IFFO2: variants seen among roughly 807,000 people sequenced by gnomAD.
The protein encoded by IFFO2 is intermediate filament family orphan 2.
In IFFO2, 19 loss-of-function variants were observed where a neutral mutation model predicts 53.5. That is an observed-to-expected ratio of 0.36 (90% CI 0.25 to 0.52). IFFO2 has a LOEUF of 0.52. Ranked by LOEUF, IFFO2 falls within the 20% of genes least tolerant of loss-of-function variation. The pLI, the probability that IFFO2 is intolerant of heterozygous loss-of-function variation, is 0.94. For synonymous variants in IFFO2, 303 were observed against 313.6 expected, an observed-to-expected ratio of 0.97 and a Z score of 0.36; for missense variants, 570 against 727.4, an observed-to-expected ratio of 0.78 and a Z score of 2.49.
chr1:18,914,361 G>A (rs16862368), intron 5 of IFFO2, among the ~76,000 whole-genome samples: 1 of 152,106 alleles, frequency 6.6e-6, no homozygotes, highest in Non-Finnish European at 1.5e-5. Context: ...CAATGCCCTG[G>A]GGACTTTATA....
chr1:18,919,800 C>T lies in IFFO2; in HGVS notation c.727-27G>A. Reference sequence around the variant, plus strand: ...TGCGGGGACGGAGATGGGGAGGCTTCAGAGGGGCCGGGTCCTCTGGGGATA... The same window carrying T: ...TGCGGGGACGGAGATGGGGAGGCTTTAGAGGGGCCGGGTCCTCTGGGGATA... On this transcript the variant is annotated intron_variant, in intron 2 of 8. Transcript: ENST00000455833. The surrounding 1 kb of genome is among the most constrained non-coding windows in gnomAD (Gnocchi z 4.9). 1 of 1,503,354 alleles carries T rather than the reference C, an allele frequency of 6.7e-7. No homozygotes were observed. The highest frequency in any genetic ancestry group is 1.2e-5 in the South Asian group (1 of 83,148). 93.1% of individuals were successfully genotyped at this position (1,503,354 alleles called of 1,614,324 possible).
intron 8 of IFFO2, 82 bp downstream of exon 8, chr1:18,910,260 A>G: frequency 6.7e-7 from 1 of 1,486,266 alleles, no homozygotes; most frequent in Non-Finnish European, 9.1e-7. Flanking sequence ...GGTTGGGAGC[A>G]TGACACATGG....
chr1:18,934,710 A>T (rs1167080668), intron 1 of IFFO2, among the ~76,000 whole-genome samples: 1 of 151,992 alleles, frequency 6.6e-6, no homozygotes, highest in Non-Finnish European at 1.5e-5. Context: ...TTCTTATGAG[A>T]TTTTCTCTTC....
chr1:18,911,413 C>G lies in IFFO2; in HGVS notation c.1288G>C (p.Glu430Gln). The G allele has an allele frequency of 2.6e-6, 4 of 1,522,932 alleles. No individual in the cohort carries two copies. Among genetic ancestry groups the G allele is most frequent in the South Asian group, 1.3e-5 (1 of 78,618 alleles). The allele number at this position is 1,522,932 out of a possible 1,614,324, so 94.3% of individuals were successfully genotyped here. Residue 430 changes from glutamate (E) to glutamine (Q), a missense_variant, in exon 7 of 9, where the codon GAG becomes CAG. Physicochemically the swap from Glu to Gln is conservative, Grantham distance 29 (BLOSUM62 2). Transcript: ENST00000455833. The part of the protein sequence containing the change: ...TESFFKTRDK[E>Q]YQETIGQIEL... ...ATCTGACCTATCGTTTCCTGGTACTCCTTGTCTCTCGTCTTGAAGAAGGAT... is the reference window on the plus strand; with the variant it reads ...ATCTGACCTATCGTTTCCTGGTACTGCTTGTCTCTCGTCTTGAAGAAGGAT...
At chr1:18,925,553 T>A (rs558690677) in intron 1 of IFFO2, among the ~76,000 whole-genome samples, 2 of 152,104 alleles carry the variant, frequency 1.3e-5, no homozygotes, top group African/African-American at 4.8e-5. Flanking sequence ...GGCACAGAGA[T>A]GGGGCAAAGA....
chr1:18,941,607 G>A (rs1035783831), intron 1 of IFFO2, among the ~76,000 whole-genome samples: 3 of 152,214 alleles, frequency 2.0e-5, no homozygotes, highest in Non-Finnish European at 4.4e-5. Context: ...GCTGCTGCTG[G>A]GTGCAGGGCA....
In IFFO2 at chr1:18,917,594, G is replaced by C. The variant is rs756812198; in HGVS notation, c.964-552C>G. Among the ~76,000 whole-genome samples, 1 of 152,204 alleles carries C rather than the reference G, an allele frequency of 6.6e-6. No individual in the cohort carries two copies. The highest frequency in any genetic ancestry group is 2.4e-5 in the African/African-American group (1 of 41,460). On this transcript the variant is annotated intron_variant, in intron 4 of 8. Transcript: ENST00000455833. This position sits in a 1 kb window ranked among gnomAD's most constrained non-coding sequence, Gnocchi z 5.9. ...GCAAGAAGGCATGGAGGTGGAGAGA[G>C]GGCCCCAGGGAGGCCCAGATCTGGC...
At chr1:18,927,586 G>A (rs1429902557) in intron 1 of IFFO2, among the ~76,000 whole-genome samples, 1 of 152,130 alleles carries the variant, frequency 6.6e-6, no homozygotes, top group East Asian at 1.9e-4. Context: ...TCAGCTCTGC[G>A]CTGCCCTAGC....
At chr1:18,915,638 AG>A (rs2100646940) in intron 5 of IFFO2, among the ~76,000 whole-genome samples, 1 of 146,696 alleles carries the variant, frequency 6.8e-6, no homozygotes, top group South Asian at 2.2e-4. Context: ...CTCCTCTCAG[AG>A]TCTCAGTTTC....
At chr1:18,909,946 G>T (rs1399218742) in intron 8 of IFFO2, among the ~76,000 whole-genome samples, 1 of 152,136 alleles carries the variant, frequency 6.6e-6, no homozygotes, top group Admixed American at 6.5e-5. Flanking sequence ...AGATGGGAAA[G>T]GAAGGGAAAT....
chr1:18,922,637 C>T (rs916422254), intron 1 of IFFO2, among the ~76,000 whole-genome samples: 6 of 152,094 alleles, frequency 3.9e-5, no homozygotes, highest in Admixed American at 3.3e-4. Context: ...CTGAGATCTG[C>T]GTGGGCTCCC....
Position 18,906,601 on chromosome 1 carries a change from A to C in IFFO2, c.*1960T>G, listed in dbSNP as rs1192441839. The C allele has an allele frequency of 6.6e-6, 1 of 152,252 alleles. No homozygotes were observed. Among genetic ancestry groups the C allele is most frequent in the Non-Finnish European group, 1.5e-5 (1 of 68,052 alleles). The allele number at this position is 152,252 out of a possible 1,614,324, so 9.4% of individuals were successfully genotyped here. ...CTGGCTCTGATAACCTTTGGTTAAA[A>C]TAAAAATTCAACAACAATAACAACA... On this transcript the variant is annotated 3_prime_UTR_variant, in exon 9 of 9. Coordinates refer to ENST00000455833, the MANE Select transcript of IFFO2 (RefSeq NM_001136265.2).
intron 1 of IFFO2, among the ~76,000 whole-genome samples, chr1:18,941,575 CAGA>C (rs1936521207): frequency 6.6e-6 from 1 of 152,236 alleles, no homozygotes; most frequent in Non-Finnish European, 1.5e-5. Flanking sequence ...TACAGGGGCC[CAGA>C]AGGAGGAACG....
At chr1:18,948,643 C>T (rs1175698616) in intron 1 of IFFO2, among the ~76,000 whole-genome samples, 1 of 152,236 alleles carries the variant, frequency 6.6e-6, no homozygotes, top group Non-Finnish European at 1.5e-5. Flanking sequence ...ACATCACAAA[C>T]CTTCAGCAGT....
rs946300606 is a variant in IFFO2 at position 18,928,516 on chromosome 1, C to T, written c.666-7395G>A. On this transcript the variant is annotated intron_variant, in intron 1 of 8. Coordinates refer to ENST00000455833, the MANE Select transcript of IFFO2 (RefSeq NM_001136265.2). The surrounding 1 kb of genome is among the most constrained non-coding windows in gnomAD (Gnocchi z 4.9). ...TTTGAGAAGCCACTAATCAAGTGTG[C>T]CCCCAGAACACTGCCACCCACACAG... Among the ~76,000 whole-genome samples the T allele has an allele frequency of 6.6e-6, 1 of 152,150 alleles. No homozygotes were observed. The highest frequency in any genetic ancestry group is 1.5e-5 in the Non-Finnish European group (1 of 68,034).
chr1:18,947,427 A>C lies in IFFO2; in HGVS notation c.665+8241T>G, dbSNP rs1936604443. On this transcript the variant is annotated intron_variant, in intron 1 of 8. Coordinates refer to ENST00000455833, the MANE Select transcript of IFFO2 (RefSeq NM_001136265.2). The surrounding 1 kb of genome is among the most constrained non-coding windows in gnomAD (Gnocchi z 5.0). The stretch of plus-strand genomic sequence containing the variant: ...CCCCAGCTTTGCTAGGCAACATTTC[A>C]CAGAAATGAAAACTGAGGCTCACAG... Among the ~76,000 whole-genome samples, 1 of 152,158 alleles carries C rather than the reference A, an allele frequency of 6.6e-6. No homozygotes were observed. The highest frequency in any genetic ancestry group is 1.5e-5 in the Non-Finnish European group (1 of 68,022).
chr1:18,954,578 A>G (rs919253172), intron 1 of IFFO2, among the ~76,000 whole-genome samples: 1 of 152,244 alleles, frequency 6.6e-6, no homozygotes, highest in Non-Finnish European at 1.5e-5. Flanking sequence ...TGTGCCTGGA[A>G]CAGCGATTGC....
chr1:18,951,730 G>A (rs554585224), intron 1 of IFFO2, among the ~76,000 whole-genome samples: 5 of 152,344 alleles, frequency 3.3e-5, no homozygotes, highest in African/African-American at 1.2e-4. Flanking sequence ...AATGAAGACA[G>A]GGGAAACGGT....
intron 1 of IFFO2, among the ~76,000 whole-genome samples, chr1:18,953,289 T>A (rs1444203160): frequency 6.6e-6 from 1 of 152,204 alleles, no homozygotes; most frequent in African/African-American, 2.4e-5. Context: ...TGAGATCATC[T>A]AGCCCAGTGG....
Sources: gnomAD v4.1 joint callset for allele counts (sites outside exome capture counted in the v4.1 genomes callset) on GRCh38, gnomAD v4.1.1 for gene constraint, Gnocchi (gnomAD v3.1) non-coding constraint, MANE v1.5 for transcripts, NCBI Gene and HGNC (gene_info 2026-07-23, HGNC 2026-07-21) for gene names.